PREP: variants seen among roughly 807,000 people sequenced by gnomAD.
PREP encodes prolyl endopeptidase, also known as dJ355L5.1 (prolyl endopeptidase).
PREP carries 29 observed loss-of-function variants against 87.6 expected under a neutral mutation model. The ratio of observed to expected loss-of-function variants is 0.33; its 90% CI spans 0.25 to 0.45. The LOEUF (loss-of-function observed/expected upper bound fraction) is 0.45. PREP is among the 20% of genes least tolerant of loss of function. The probability of loss-of-function intolerance (pLI) is 1.00; values close to 1 mark genes in which losing one functional copy is unlikely to be tolerated. For synonymous variants in PREP, 337 were observed against 328.6 expected (o/e 1.03, Z -0.28); for missense variants, 695 against 886.5 (o/e 0.78, Z 2.74).
At chr6:105,352,218 T>C (rs1771975844) in intron 7 of PREP, among the ~76,000 whole-genome samples, 1 of 152,200 alleles carries the variant, frequency 6.6e-6, no homozygotes, top group African/African-American at 2.4e-5. Context: ...TGCCAGTATG[T>C]CTGATAGGAT....
intron 7 of PREP, among the ~76,000 whole-genome samples, chr6:105,340,605 TAA>T (rs1280028888): frequency 1.3e-5 from 2 of 152,062 alleles, no homozygotes; most frequent in Non-Finnish European, 2.9e-5. Flanking sequence ...GCAAATTGGA[TAA>T]AGAGTCAAGA....
chr6:105,376,405 G>T (rs990184018), intron 3 of PREP, 150 bp from the exon 4 acceptor site: 1 of 801,506 alleles, frequency 1.2e-6, no homozygotes, highest in Non-Finnish European at 1.9e-6. Flanking sequence ...GGACATGGGT[G>T]AAAGGTTCCA....
intron 7 of PREP, among the ~76,000 whole-genome samples, chr6:105,351,240 T>TCA (rs1771943931): frequency 6.6e-6 from 1 of 152,218 alleles, no homozygotes; most frequent in African/African-American, 2.4e-5. Context: ...TGGGCCTGAC[T>TCA]CAATCAGTTG....
chr6:105,281,089 G>C (rs1249291174), intron 14 of PREP: 1 of 152,194 alleles, frequency 6.6e-6, no homozygotes, highest in Non-Finnish European at 1.5e-5. Context: ...TCTCTGCTCT[G>C]GGTCTTCCAA....
chr6:105,307,913 ACACT>A (rs1403960982), intron 10 of PREP, among the ~76,000 whole-genome samples: 1 of 152,126 alleles, frequency 6.6e-6, no homozygotes, highest in Non-Finnish European at 1.5e-5. Context: ...GCGCCCGGCC[ACACT>A]CAGTCATTCT....
intron 6 of PREP, among the ~76,000 whole-genome samples, chr6:105,353,768 T>C (rs1262105105): frequency 1.0e-5 from 1 of 95,352 alleles, no homozygotes; most frequent in Admixed American, 1.0e-4. Context: ...TGAGACTCCA[T>C]CTCAAAAAAA....
chr6:105,329,323 T>C (rs1317541388), intron 8 of PREP, among the ~76,000 whole-genome samples: 1 of 152,110 alleles, frequency 6.6e-6, no homozygotes, highest in Non-Finnish European at 1.5e-5. Flanking sequence ...TGGCTAATTT[T>C]TATATTTTTA....
Position 105,323,786 on chromosome 6 carries a change from G to C in PREP, c.1214-18C>G. ...AATGATACCTAAAAAGTAGAATAAG[G>C]CTTGGTTTAGTCTACGGGACTCACT... On this transcript the variant is annotated intron_variant, in intron 9 of 14. Transcript: ENST00000652536. 6.3e-7 allele frequency: 1 copy of C among 1,585,216 alleles called. No individual in the cohort carries two copies.
chr6:105,392,551 C>T (rs1773180662), intron 2 of PREP, among the ~76,000 whole-genome samples: 1 of 152,118 alleles, frequency 6.6e-6, no homozygotes, highest in African/African-American at 2.4e-5. Context: ...CCATATAGGT[C>T]TCCCAGACCA....
Position 105,322,873 on chromosome 6 carries a change from C to G in PREP, c.1317+792G>C, listed in dbSNP as rs1313900639. The G allele has an allele frequency of 3.4e-6, 4 of 1,175,556 alleles. No homozygotes were observed. The East Asian group carries it at 1.8e-4, about 52-fold the overall frequency. 72.8% of individuals were successfully genotyped at this position (1,175,556 alleles called of 1,614,324 possible). ...TAATTCACCAAGCTATAATAATGCC[C>G]TAGTTTCACAGAAACATTGTGGGGA... On this transcript the variant is annotated intron_variant, in intron 10 of 14. Transcript: ENST00000652536.
chr6:105,373,199 T>G (rs1423303453), intron 5 of PREP, among the ~76,000 whole-genome samples, 170 bp downstream of exon 5: 1 of 152,240 alleles, frequency 6.6e-6, no homozygotes, highest in Non-Finnish European at 1.5e-5. Context: ...TCTAAGCTAC[T>G]ACATTTTGGT....
At chr6:105,383,098 T>G (rs1157623807) in intron 2 of PREP, among the ~76,000 whole-genome samples, 1 of 152,054 alleles carries the variant, frequency 6.6e-6, no homozygotes, top group African/African-American at 2.4e-5. Context: ...CTGTAGGACT[T>G]AGGGCCAGGA....
At chr6:105,326,046 C>T (rs564756076) in intron 9 of PREP, among the ~76,000 whole-genome samples, 3 of 152,086 alleles carry the variant, frequency 2.0e-5, no homozygotes, top group Non-Finnish European at 2.9e-5. Flanking sequence ...CGAAAAGTCA[C>T]GTATGTAAAA....
chr6:105,382,199 T>C (rs1772860190), intron 2 of PREP, among the ~76,000 whole-genome samples: 1 of 150,430 alleles, frequency 6.6e-6, no homozygotes, highest in South Asian at 2.1e-4. Context: ...ACAGGAGAAA[T>C]AAGTTCAAGA....
chr6:105,364,178 A>G (rs1446532909), intron 6 of PREP, among the ~76,000 whole-genome samples: 2 of 152,232 alleles, frequency 1.3e-5, no homozygotes, highest in Admixed American at 1.3e-4. Context: ...GGAGAGAGTG[A>G]TATTTTGTTC....
chr6:105,328,444 G>C (rs1771231578), intron 9 of PREP, among the ~76,000 whole-genome samples: 1 of 152,046 alleles, frequency 6.6e-6, no homozygotes, highest in African/African-American at 2.4e-5. Flanking sequence ...TTTCAGTAGA[G>C]ACGGGTTTCA....
intron 2 of PREP, among the ~76,000 whole-genome samples, chr6:105,380,182 G>T (rs184880851): frequency 1.3e-5 from 2 of 152,294 alleles, no homozygotes; most frequent in Admixed American, 1.3e-4. Context: ...GCCCTTCTGA[G>T]GAGGTTTCAA....
chr6:105,345,659 T>C (rs987408691), intron 7 of PREP, among the ~76,000 whole-genome samples: 9 of 152,236 alleles, frequency 5.9e-5, no homozygotes, highest in African/African-American at 2.2e-4. Context: ...GCAGGGCGCA[T>C]GGGCTGCTGT....
chr6:105,380,685 C>T (rs1265116717), intron 2 of PREP, among the ~76,000 whole-genome samples: 1 of 152,146 alleles, frequency 6.6e-6, no homozygotes, highest in African/African-American at 2.4e-5. Context: ...CTCACCAGAA[C>T]ATTCTAGTCA....
Sources: gnomAD v4.1 joint callset for allele counts (sites outside exome capture counted in the v4.1 genomes callset) on GRCh38, gnomAD v4.1.1 for gene constraint, MANE v1.5 for transcripts, NCBI Gene and HGNC (gene_info 2026-07-23, HGNC 2026-07-21) for gene names.